The following PCDHA5 variants were observed in gnomAD, a reference collection of about 807,000 sequenced individuals.
The protein encoded by PCDHA5 is protocadherin alpha-5.
In PCDHA5, 43 loss-of-function variants were observed where a neutral mutation model predicts 61.6. The ratio of observed to expected loss-of-function variants is 0.70; its 90% CI spans 0.55 to 0.90. The LOEUF is 0.90. PCDHA5 is among the 40% of genes least tolerant of loss of function. The probability of loss-of-function intolerance (pLI) is 0.00; values close to 1 mark genes in which losing one functional copy is unlikely to be tolerated. For synonymous variants in PCDHA5, 627 were observed against 543.9 expected, an observed-to-expected ratio of 1.15 and a Z score of -2.13; for missense variants, 1,298 against 1,222.7, an observed-to-expected ratio of 1.06 and a Z score of -0.92.
intron 3 of PCDHA5, among the ~76,000 whole-genome samples, chr5:140,985,803 G>T (rs536777034): frequency 2.9e-5 from 4 of 139,766 alleles, no homozygotes; most frequent in Non-Finnish European, 6.0e-5. Context: ...GCAGTGGCAC[G>T]ATCTCAGCTC....
intron 1 of PCDHA5, chr5:140,881,515 A>T (rs574115987): frequency 4.8e-6 from 1 of 207,066 alleles, no homozygotes; most frequent in Admixed American, 6.5e-5. Context: ...CACATACAAA[A>T]TCCCACACAT....
chr5:140,842,067 T>G, intron 1 of PCDHA5: 1 of 1,613,874 alleles, frequency 6.2e-7, no homozygotes, highest in Non-Finnish European at 8.5e-7. Flanking sequence ...GAATACGAAG[T>G]AAGAATATTC....
intron 3 of PCDHA5, among the ~76,000 whole-genome samples, chr5:141,004,378 G>C (rs914260481): frequency 6.6e-6 from 1 of 152,316 alleles, no homozygotes; most frequent in South Asian, 2.1e-4. Context: ...TCTGCTCTGC[G>C]GAAGCTGGAC....
intron 1 of PCDHA5, chr5:140,928,865 A>G: frequency 6.2e-7 from 1 of 1,614,072 alleles, no homozygotes; most frequent in Non-Finnish European, 8.5e-7. Flanking sequence ...CTGTTGAGCA[A>G]CTCTGTCCCT....
At chr5:140,888,147 A>G (rs1182114974) in intron 1 of PCDHA5, among the ~76,000 whole-genome samples, 1 of 152,064 alleles carries the variant, frequency 6.6e-6, no homozygotes, top group African/African-American at 2.4e-5. Flanking sequence ...GCTGTTTTGC[A>G]TGACTGGTAA....
At chr5:140,928,271 C>G in intron 1 of PCDHA5, 2 of 1,614,186 alleles carry the variant, frequency 1.2e-6, no homozygotes, top group East Asian at 4.5e-5. Flanking sequence ...AACAATGGCC[C>G]TGGGGCCTCT....
intron 1 of PCDHA5, among the ~76,000 whole-genome samples, chr5:140,943,364 C>T (rs1463652865): frequency 6.6e-6 from 1 of 150,620 alleles, no homozygotes; most frequent in Non-Finnish European, 1.5e-5. Context: ...GAAAGGAGAT[C>T]ATTAAAATAT....
intron 1 of PCDHA5, chr5:140,852,656 G>C (rs2042430108): frequency 1.0e-6 from 1 of 961,570 alleles, no homozygotes; most frequent in African/African-American, 1.8e-5. Context: ...ATCTATATCT[G>C]TCTATCAGCA....
At chr5:140,903,269 G>A (rs1251669520) in intron 1 of PCDHA5, among the ~76,000 whole-genome samples, 4 of 152,140 alleles carry the variant, frequency 2.6e-5, no homozygotes, top group African/African-American at 4.8e-5. Context: ...CAGGAGTGAG[G>A]TAGTGTCTCA....
intron 1 of PCDHA5, chr5:140,929,480 G>T: frequency 8.4e-7 from 1 of 1,195,420 alleles, no homozygotes; most frequent in Non-Finnish European, 1.1e-6. Flanking sequence ...TGGAAGTATA[G>T]AAGTATTAGA....
At chr5:140,827,761 A>G (rs1241454349) in intron 1 of PCDHA5, among the ~76,000 whole-genome samples, 2 of 152,264 alleles carry the variant, frequency 1.3e-5, no homozygotes, top group South Asian at 2.1e-4. Flanking sequence ...ACTTTAAATT[A>G]ATAAAAGAAG....
Position 140,977,158 on chromosome 5 carries a change from A to G in PCDHA5, c.2353-1791A>G, listed in dbSNP as rs6862693. Among the ~76,000 whole-genome samples, 983 of 152,340 alleles carry G rather than the reference A, an allele frequency of 6.5e-3. 6 individuals carry two copies. The highest frequency in any genetic ancestry group is 0.023 in the African/African-American group (951 of 41,586). ...CAGTCCTGCTGGAACTGTGCCTTTC[A>G]GCAAAATGAGTTTGATGATTTCATT... On this transcript the variant is annotated intron_variant, in intron 1 of 3. Transcript: ENST00000529859.
intron 1 of PCDHA5, chr5:140,969,200 G>A: frequency 2.5e-6 from 4 of 1,614,132 alleles, no homozygotes; most frequent in Non-Finnish European, 3.4e-6. Context: ...TTACAATACA[G>A]GGGCCCAGAC....
intron 1 of PCDHA5, among the ~76,000 whole-genome samples, chr5:140,886,020 A>G (rs1402901328): frequency 2.0e-5 from 3 of 152,182 alleles, no homozygotes; most frequent in African/African-American, 7.2e-5. Flanking sequence ...GATGCTATGT[A>G]TTCTTCACTA....
chr5:140,958,159 A>T (rs782390357), intron 1 of PCDHA5, among the ~76,000 whole-genome samples: 35 of 152,134 alleles, frequency 2.3e-4, no homozygotes, highest in Non-Finnish European at 4.3e-4. Flanking sequence ...CATAGTCAAA[A>T]GCCTGGAGTG....
chr5:140,941,447 C>T (rs1180553779), intron 1 of PCDHA5, among the ~76,000 whole-genome samples: 1 of 150,780 alleles, frequency 6.6e-6, no homozygotes, highest in South Asian at 2.1e-4. Flanking sequence ...TCGGGAGTAG[C>T]TGGGATTACA....
At chr5:140,831,620 C>A (rs1771646010) in intron 1 of PCDHA5, among the ~76,000 whole-genome samples, 1 of 150,644 alleles carries the variant, frequency 6.6e-6, no homozygotes, top group Admixed American at 6.7e-5. Context: ...ACCTTGGCCT[C>A]CCAAAGTACT....
chr5:140,993,528 A>T lies in PCDHA5; in HGVS notation c.2500+10965A>T, dbSNP rs78672098. On this transcript the variant is annotated intron_variant, in intron 3 of 3. Transcript: ENST00000529859. ...CACACACGGGGAGAGAGAGACAGAG[A>T]GAGAGAGAGATAGAGAAGTGAAGTA... Among the ~76,000 whole-genome samples the T allele has an allele frequency of 6.6e-5, 10 of 152,092 alleles. No individual in the cohort carries two copies. In the East Asian group the frequency reaches 1.2e-3, roughly 18 times the overall value.
chr5:140,984,230 A>C (rs1329517544), intron 3 of PCDHA5, among the ~76,000 whole-genome samples: 1 of 152,112 alleles, frequency 6.6e-6, no homozygotes, highest in Non-Finnish European at 1.5e-5. Flanking sequence ...GCTCTTATGG[A>C]GGCATTGTAG....
Sources: allele counts gnomAD v4.1 joint callset (sites outside exome capture counted in the v4.1 genomes callset), GRCh38; gene constraint gnomAD v4.1.1; transcripts MANE v1.5; gene names NCBI Gene and HGNC (gene_info 2026-07-23, HGNC 2026-07-21).